The following TTI2 variants were observed in gnomAD, a reference collection of about 807,000 sequenced individuals.
TTI2 encodes TELO2-interacting protein 2.
Under a neutral mutation model 44.9 loss-of-function variants are expected in TTI2, and 26 were observed. The observed-to-expected ratio is 0.58, with a 90% CI of 0.42 to 0.80. The LOEUF (loss-of-function observed/expected upper bound fraction) is 0.80, where lower values mean the gene tolerates loss of function less well. TTI2 is among the 30% of genes least tolerant of loss of function. The pLI is 0.00. For missense variants in TTI2, 582 were observed against 611.6 expected (o/e 0.95, Z 0.51); for synonymous variants, 254 against 250.9 (o/e 1.01, Z -0.12).
At chr8:33,502,680 G>T (rs1379557419) in intron 6 of TTI2, among the ~76,000 whole-genome samples, 1 of 150,874 alleles carries the variant, frequency 6.6e-6, no homozygotes, top group African/African-American at 2.4e-5. Flanking sequence ...TTAAAAATTA[G>T]CCAGGCATGG....
At position 33,499,144 on chromosome 8, in the gene TTI2, C is replaced by T. The variant is rs1428324040; in HGVS notation, c.*29G>A. ...ATACAAATTGGGATGGGAAGAAAAT[C>T]CTTTCCTCTTGGGAAAGTAATACAA... On this transcript the variant is annotated 3_prime_UTR_variant, in exon 8 of 8. Transcript: ENST00000431156. The T allele has an allele frequency of 3.2e-6, 5 of 1,555,232 alleles. No homozygotes were observed. Among genetic ancestry groups the T allele is most frequent in the Non-Finnish European group, 3.6e-6 (4 of 1,126,676 alleles).
intron 2 of TTI2, 25 bp downstream of exon 2, chr8:33,511,942 G>A (rs7016274): frequency 0.03 from 48,974 of 1,612,668 alleles, 1,244 homozygotes; most frequent in African/African-American, 0.14. Context: ...GGCTCAAGTC[G>A]GTGGCAAAGG....
At chr8:33,511,405 T>C (rs1288670607) in intron 2 of TTI2, among the ~76,000 whole-genome samples, 2 of 152,086 alleles carry the variant, frequency 1.3e-5, no homozygotes, top group Non-Finnish European at 1.5e-5. Flanking sequence ...TAGGCAGTCG[T>C]CCTAAGGGCT....
rs910166576 is a variant in TTI2 at position 33,512,891 on chromosome 8, A to G, written c.-99-179T>C. ...CTCCGTCTCAGTAAAAAAAAAAAAA[A>G]AAAAAAGAATAAAGAGGAAAGGACG... On this transcript the variant is annotated intron_variant, in intron 1 of 7. Transcript: ENST00000431156. 1.0e-5 allele frequency: 3 copies of G among 289,180 alleles called. No individual in the cohort carries two copies. In the East Asian group the frequency reaches 2.0e-4, roughly 19 times the overall value. The allele number at this position is 289,180 out of a possible 1,614,324, so 17.9% of individuals were successfully genotyped here.
chr8:33,500,820 T>G, intron 6 of TTI2: 2 of 238,236 alleles, frequency 8.4e-6, no homozygotes, highest in South Asian at 6.2e-5. Context: ...GCCTATACTT[T>G]TATTTTTCAA....
chr8:33,503,154 A>C (rs2128827836), intron 6 of TTI2, among the ~76,000 whole-genome samples: 1 of 136,924 alleles, frequency 7.3e-6, no homozygotes. Flanking sequence ...AAAAACAAAA[A>C]AGATATACTA....
chr8:33,512,096 C>T lies in TTI2; in HGVS notation c.518G>A (p.Arg173Lys), dbSNP rs1166552374. The T allele has an allele frequency of 1.9e-6, 3 of 1,613,986 alleles. No homozygotes were observed. Among genetic ancestry groups the T allele is most frequent in the African/African-American group, 1.3e-5 (1 of 74,902 alleles). Residue 173 changes from arginine (R) to lysine (K), a missense_variant, in exon 2 of 8, where the codon AGG becomes AAG. Physicochemically the swap from Arg to Lys is conservative, Grantham distance 26 (BLOSUM62 2). Coordinates refer to ENST00000431156, the MANE Select transcript of TTI2 (RefSeq NM_001102401.4). ...WTTPRSREVA[R>K]EVLTSLLQVT... The stretch of plus-strand genomic sequence containing the variant: ...TTGAAGCAGTGAGGTGAGCACCTCC[C>T]TAGCAACTTCCCGAGATCTCGGAGT...
intron 4 of TTI2, among the ~76,000 whole-genome samples, chr8:33,505,839 G>C (rs1809274081): frequency 6.6e-6 from 1 of 152,128 alleles, no homozygotes; most frequent in Non-Finnish European, 1.5e-5. Flanking sequence ...ATTTTTAGTA[G>C]AGATGGGATT....
chr8:33,509,440 A>G (rs1419986591), intron 3 of TTI2, among the ~76,000 whole-genome samples: 1 of 127,492 alleles, frequency 7.8e-6, no homozygotes, highest in African/African-American at 3.0e-5. Flanking sequence ...TGGGTGATAG[A>G]GTGAGACTCC....
At chr8:33,505,284 A>G (rs1235759955) in intron 4 of TTI2, among the ~76,000 whole-genome samples, 1 of 152,080 alleles carries the variant, frequency 6.6e-6, no homozygotes, top group Non-Finnish European at 1.5e-5. Flanking sequence ...AAAGGAGGGA[A>G]GTAAGGCATA....
At chr8:33,505,541 G>C (rs1809264073) in intron 4 of TTI2, among the ~76,000 whole-genome samples, 2 of 151,652 alleles carry the variant, frequency 1.3e-5, no homozygotes, top group South Asian at 4.2e-4. Flanking sequence ...CCAGGCTGGA[G>C]GGCAATGGCA....
chr8:33,503,952 G>A lies in TTI2; in HGVS notation c.928-17C>T. 1 of 1,613,344 alleles carries A rather than the reference G, an allele frequency of 6.2e-7. No homozygotes were observed. The highest frequency in any genetic ancestry group is 8.5e-7 in the Non-Finnish European group (1 of 1,179,640). Reference sequence around the variant, plus strand: ...GAGCACAGCCTAGGAGGAAGGAATGGAAGGACGGTGCATAGTTCATCCATT... The same window carrying A: ...GAGCACAGCCTAGGAGGAAGGAATGAAAGGACGGTGCATAGTTCATCCATT... On this transcript the variant is annotated splice_polypyrimidine_tract_variant and intron_variant, in intron 4 of 7. Transcript: ENST00000431156.
At position 33,512,391 on chromosome 8, in the gene TTI2, G is replaced by A. The variant is rs1809575203; in HGVS notation, c.223C>T (p.Leu75Phe). The change falls in exon 2 of 8, where the codon CTC becomes TTC. Residue 75 changes from leucine (L) to phenylalanine (F), a missense_variant. Leu to Phe is a conservative substitution (Grantham distance 22, BLOSUM62 0). Coordinates refer to ENST00000431156, the MANE Select transcript of TTI2 (RefSeq NM_001102401.4). ...CCCAGTGTCTCCGGCATTCCGCGGAGCCGTGCACCAGTCCCCTCAAATAAC... is the reference window on the plus strand; with the variant it reads ...CCCAGTGTCTCCGGCATTCCGCGGAACCGTGCACCAGTCCCCTCAAATAAC... Reference protein sequence around the residue: ...DRLFEGTGARLRGMPETLGQV... With the variant: ...DRLFEGTGARFRGMPETLGQV... 6.2e-7 allele frequency: 1 copy of A among 1,614,106 alleles called. No homozygotes were observed. Among genetic ancestry groups the A allele is most frequent in the Non-Finnish European group, 8.5e-7 (1 of 1,179,948 alleles).
At chr8:33,501,413 T>C (rs1809075316) in intron 6 of TTI2, among the ~76,000 whole-genome samples, 2 of 152,178 alleles carry the variant, frequency 1.3e-5, no homozygotes, top group African/African-American at 4.8e-5. Context: ...TACACACATA[T>C]TCCTTTTCTA....
intron 4 of TTI2, among the ~76,000 whole-genome samples, chr8:33,506,432 C>T (rs1220723240): frequency 2.0e-5 from 3 of 148,994 alleles, no homozygotes; most frequent in South Asian, 4.3e-4. Flanking sequence ...CGCTCTGTCA[C>T]CCAGGCTGGA....
intron 3 of TTI2, among the ~76,000 whole-genome samples, chr8:33,508,109 AAAAAAAAAAAG>A (rs1279906656): frequency 1.3e-4 from 17 of 134,466 alleles, no homozygotes; most frequent in African/African-American, 2.6e-4. Context: ...AAAAAAAAAA[AAAAAAAAAAAG>A]ACGAAAAATT....
In TTI2 at chr8:33,511,911, A is replaced by G. The variant is rs893324821; in HGVS notation, c.647+56T>C. 11 of 1,560,898 alleles carry G rather than the reference A, an allele frequency of 7.0e-6. No individual in the cohort carries two copies. The African/African-American group carries it at 1.5e-4, about 21-fold the overall frequency. On this transcript the variant is annotated intron_variant, in intron 2 of 7. Coordinates refer to ENST00000431156, the MANE Select transcript of TTI2 (RefSeq NM_001102401.4). ...TCTCGAAAATAAATAAATAATAAAA[A>G]ATAAAAATAAAAAACTGTGAGGCTC...
chr8:33,500,745 TTC>T, intron 6 of TTI2: 2 of 441,898 alleles, frequency 4.5e-6, no homozygotes, highest in East Asian at 9.0e-5. Context: ...AGAAGCTTGG[TTC>T]TACTGTAAGC....
intron 2 of TTI2, 31 bp downstream of exon 2, chr8:33,511,936 C>G (rs754296415): frequency 2.5e-6 from 4 of 1,612,216 alleles, no homozygotes; most frequent in Admixed American, 3.3e-5. Flanking sequence ...CTGTGAGGCT[C>G]AAGTCGGTGG....
Sources: gnomAD v4.1 joint callset for allele counts (sites outside exome capture counted in the v4.1 genomes callset) on GRCh38, gnomAD v4.1.1 for gene constraint, MANE v1.5 for transcripts, NCBI Gene and HGNC (gene_info 2026-07-23, HGNC 2026-07-21) for gene names.